The following GLUD1 variants were observed in gnomAD, a reference collection of about 807,000 sequenced individuals.
GLUD1 encodes glutamate dehydrogenase 1.
In GLUD1, 22 loss-of-function variants were observed where a neutral mutation model predicts 56.0. The ratio of observed to expected loss-of-function variants is 0.39; its 90% confidence interval spans 0.28 to 0.56. GLUD1 has a LOEUF of 0.56. Ranked by LOEUF, GLUD1 falls within the 20% of genes least tolerant of loss-of-function variation. The probability of loss-of-function intolerance (pLI) is 0.58; values close to 1 mark genes in which losing one functional copy is unlikely to be tolerated. For missense variants in GLUD1, 451 were observed against 732.0 expected, an observed-to-expected ratio of 0.62 and a Z score of 4.43; for synonymous variants, 223 against 269.9, an observed-to-expected ratio of 0.83 and a Z score of 1.70.
intron 2 of GLUD1, 148 bp downstream of exon 2, chr10:87,076,428 A>G (rs920788592): frequency 1.5e-4 from 102 of 682,670 alleles, no homozygotes; most frequent in Non-Finnish European, 2.5e-4. Flanking sequence ...ATTTAGACTA[A>G]TTGAAAAATG....
chr10:87,094,107 G>C lies in GLUD1; in HGVS notation c.445+218C>G. 6.7e-7 allele frequency: 1 copy of C among 1,501,814 alleles called. No homozygotes were observed. The highest frequency in any genetic ancestry group is 8.9e-7 in the Non-Finnish European group (1 of 1,126,848). The allele number at this position is 1,501,814 out of a possible 1,614,324, so 93.0% of individuals were successfully genotyped here. Reference sequence around the variant, plus strand: ...ATATACAGAGGCCCGGGGTGACGGCGCGGGGGAGGGGGCAGGCCAATCGCA... The same window carrying C: ...ATATACAGAGGCCCGGGGTGACGGCCCGGGGGAGGGGGCAGGCCAATCGCA... On this transcript the variant is annotated intron_variant, in intron 1 of 12. Transcript: ENST00000277865. The surrounding 1 kb of genome is among the most constrained non-coding windows in gnomAD (Gnocchi z 6.6).
At chr10:87,087,922 T>C (rs1431285312) in intron 1 of GLUD1, among the ~76,000 whole-genome samples, 2 of 151,978 alleles carry the variant, frequency 1.3e-5, no homozygotes, top group Admixed American at 1.3e-4. Context: ...CTCTACTAAA[T>C]ATACAAAAAT....
chr10:87,091,412 C>G (rs1339924606), intron 1 of GLUD1, among the ~76,000 whole-genome samples: 1 of 152,184 alleles, frequency 6.6e-6, no homozygotes, highest in Non-Finnish European at 1.5e-5. Flanking sequence ...ATAATTTACT[C>G]TGGGAAAGTT....
intron 1 of GLUD1, among the ~76,000 whole-genome samples, chr10:87,081,946 CAAAAAAAAA>C (rs71019464): frequency 7.0e-5 from 6 of 85,668 alleles, no homozygotes; most frequent in Non-Finnish European, 5.0e-5. Flanking sequence ...ATGATCAATA[CAAAAAAAAA>C]AAAAAAAAGA....
intron 11 of GLUD1, among the ~76,000 whole-genome samples, chr10:87,054,770 A>C (rs1233340702): frequency 2.0e-5 from 3 of 152,244 alleles, no homozygotes; most frequent in African/African-American, 7.2e-5. Context: ...AATGACTCAG[A>C]GGGAAACTGC....
intron 11 of GLUD1, among the ~76,000 whole-genome samples, chr10:87,057,434 T>C (rs1426609197): frequency 1.3e-5 from 2 of 152,232 alleles, no homozygotes; most frequent in African/African-American, 4.8e-5. Flanking sequence ...TTAAAATACA[T>C]AATAATCCTT....
rs1235705094 is a variant in GLUD1 at position 87,093,812 on chromosome 10, CTA to C, written c.445+511_445+512del. 4.1e-6 allele frequency: 3 copies of C among 739,334 alleles called. No individual in the cohort carries two copies. The South Asian group carries it at 4.4e-5, about 11-fold the overall frequency. The allele number at this position is 739,334 out of a possible 1,614,324, so 45.8% of individuals were successfully genotyped here. Reference sequence around the variant, plus strand: ...AAATTCCTTTGGTTAATAAAACTGTCTAGATTTCAAACTTAGAAGCCAAGTCA... The same window carrying C: ...AAATTCCTTTGGTTAATAAAACTGTCGATTTCAAACTTAGAAGCCAAGTCA... On this transcript the variant is annotated intron_variant, in intron 1 of 12. Coordinates refer to ENST00000277865, the MANE Select transcript of GLUD1 (RefSeq NM_005271.5).
At chr10:87,081,853 T>C (rs1342717806) in intron 1 of GLUD1, among the ~76,000 whole-genome samples, 1 of 150,318 alleles carries the variant, frequency 6.7e-6, no homozygotes, top group African/African-American at 2.4e-5. Context: ...CAGAGACCTT[T>C]GTTCACTTGT....
chr10:87,068,694 G>C (rs1477329696), intron 4 of GLUD1, among the ~76,000 whole-genome samples: 2 of 152,126 alleles, frequency 1.3e-5, no homozygotes, highest in Admixed American at 6.6e-5. Context: ...ACTTGTGGAA[G>C]AATGTGGCTG....
intron 5 of GLUD1, among the ~76,000 whole-genome samples, chr10:87,065,904 G>A (rs1846063358): frequency 6.6e-6 from 1 of 152,140 alleles, no homozygotes; most frequent in African/African-American, 2.4e-5. Context: ...GAAGGTGCCA[G>A]GGTTGGACTT....
chr10:87,053,652 T>C (rs1036402932), intron 11 of GLUD1, among the ~76,000 whole-genome samples: 2 of 152,194 alleles, frequency 1.3e-5, no homozygotes, highest in Non-Finnish European at 2.9e-5. Flanking sequence ...AATAAGATTA[T>C]AGTACAACAA....
chr10:87,054,470 A>G (rs941353927), intron 11 of GLUD1, among the ~76,000 whole-genome samples: 1 of 152,202 alleles, frequency 6.6e-6, no homozygotes, highest in African/African-American at 2.4e-5. Flanking sequence ...CTGGAAGCTA[A>G]GAGAAGAAAA....
At chr10:87,077,563 A>G (rs182633512) in intron 1 of GLUD1, among the ~76,000 whole-genome samples, 68 of 149,288 alleles carry the variant, frequency 4.6e-4, no homozygotes, top group Middle Eastern at 3.4e-3. Flanking sequence ...GGTAGGTACT[A>G]GTGCCCCTGT....
At chr10:87,067,853 G>A (rs568248303) in intron 5 of GLUD1, 29 of 529,928 alleles carry the variant, frequency 5.5e-5, no homozygotes, top group South Asian at 5.4e-4. Context: ...CTGTTCCAGT[G>A]ACAAGTATAG....
intron 6 of GLUD1, among the ~76,000 whole-genome samples, chr10:87,061,545 C>T (rs1483956475): frequency 6.6e-6 from 1 of 152,044 alleles, no homozygotes; most frequent in African/African-American, 2.4e-5. Flanking sequence ...TTAAGTACAC[C>T]ACCAGGTCCT....
In GLUD1 at chr10:87,094,815, G is replaced by C; in HGVS notation, c.-46C>G. ...TGCGTGATGGTCGCGAAACAGGCGCGCTTTCTCAGACTCCCCGCGACTAGG... is the reference window on the plus strand; with the variant it reads ...TGCGTGATGGTCGCGAAACAGGCGCCCTTTCTCAGACTCCCCGCGACTAGG... On this transcript the variant is annotated 5_prime_UTR_variant, in exon 1 of 13. Coordinates refer to ENST00000277865, the MANE Select transcript of GLUD1 (RefSeq NM_005271.5). The surrounding 1 kb of genome is among the most constrained non-coding windows in gnomAD (Gnocchi z 6.6). 1 of 1,442,960 alleles carries C rather than the reference G, an allele frequency of 6.9e-7. No homozygotes were observed. The highest frequency in any genetic ancestry group is 2.8e-5 in the East Asian group (1 of 35,568). The allele number at this position is 1,442,960 out of a possible 1,614,324, so 89.4% of individuals were successfully genotyped here.
intron 11 of GLUD1, among the ~76,000 whole-genome samples, chr10:87,055,265 G>C (rs540922080): frequency 2.8e-4 from 43 of 152,236 alleles, no homozygotes; most frequent in Admixed American, 6.5e-4. Flanking sequence ...AGACTGGGGA[G>C]TGACTGTAAT....
chr10:87,064,623 A>G (rs1201861414), intron 5 of GLUD1, among the ~76,000 whole-genome samples: 2 of 152,236 alleles, frequency 1.3e-5, no homozygotes, highest in Admixed American at 1.3e-4. Context: ...ATATTTTTAC[A>G]CAGAGAACTT....
At chr10:87,088,717 A>G (rs1841443951) in intron 1 of GLUD1, among the ~76,000 whole-genome samples, 1 of 152,180 alleles carries the variant, frequency 6.6e-6, no homozygotes, top group South Asian at 2.1e-4. Context: ...GAAGCAAATC[A>G]GAAGAATTAC....
Sources: allele counts gnomAD v4.1 joint callset (sites outside exome capture counted in the v4.1 genomes callset), GRCh38; gene constraint gnomAD v4.1.1; non-coding constraint Gnocchi (gnomAD v3.1); transcripts MANE v1.5; gene names NCBI Gene and HGNC (gene_info 2026-07-23, HGNC 2026-07-21).